PSMB8: variants seen among roughly 807,000 people sequenced by gnomAD.
PSMB8 encodes proteasome subunit beta type-8.
In PSMB8, 20 loss-of-function variants were observed where a neutral mutation model predicts 32.3. The ratio of observed to expected loss-of-function variants is 0.62; its 90% CI spans 0.44 to 0.90. The LOEUF is 0.90. Among genes scored for constraint, PSMB8 ranks in the 40% least tolerant of loss-of-function variants. The pLI, the probability that PSMB8 is intolerant of heterozygous loss-of-function variation, is 0.00. For synonymous variants in PSMB8, 131 were observed against 135.4 expected, an observed-to-expected ratio of 0.97 and a Z score of 0.23; for missense variants, 342 against 365.4, an observed-to-expected ratio of 0.94 and a Z score of 0.52.
In PSMB8 at chr6:32,841,613, G is replaced by T. The variant is rs758066611; in HGVS notation, c.660C>A (p.Ser220Arg). The T allele has an allele frequency of 6.2e-7, 1 of 1,612,902 alleles. No individual in the cohort carries two copies. Among genetic ancestry groups the T allele is most frequent in the Non-Finnish European group, 8.5e-7 (1 of 1,180,034 alleles). The change falls in exon 5 of 6, where the codon AGC (serine) becomes AGA (arginine). Residue 220 changes from serine (S) to arginine (R), a missense_variant. Ser to Arg is a moderately radical substitution (Grantham distance 110). Transcript: ENST00000374882. ...VMDSGYRPNL[S>R]PEEAYDLGRR... is the part of the protein sequence containing the mutation. ...GGCCAAGGTCATAGGCCTCTTCAGG[G>T]CTAAGATTAGGCCGATAGCCACTGT...
upstream of PSMB8, chr6:32,844,673 G>T (rs1406807773): frequency 3.9e-6 from 2 of 518,912 alleles, no homozygotes; most frequent in East Asian, 6.6e-5. Flanking sequence ...TGAGCACTGC[G>T]GAGTTTCACG....
Position 32,841,528 on chromosome 6 carries a change from T to C in PSMB8, c.742+3A>G, listed in dbSNP as rs1769900282. On this transcript the variant is annotated splice_donor_region_variant and intron_variant, in intron 5 of 5. Coordinates refer to ENST00000374882, the MANE Select transcript of PSMB8 (RefSeq NM_148919.4). ...CATGGTGGTGGGAGCATTGGTCTCTTACTATTGACAACGCCTCCAGAATAG... is the reference window on the plus strand; with the variant it reads ...CATGGTGGTGGGAGCATTGGTCTCTCACTATTGACAACGCCTCCAGAATAG... 1 of 1,611,664 alleles carries C rather than the reference T, an allele frequency of 6.2e-7. No homozygotes were observed. The highest frequency in any genetic ancestry group is 1.3e-5 in the African/African-American group (1 of 74,880).
Position 32,840,848 on chromosome 6 carries a change from C to G in PSMB8, c.*111G>C. ...CTCCTCTGGCTGCTGAGCCCGTACT[C>G]TCTCTTTGGCTCAGGCTAGGCCTCT... On this transcript the variant is annotated 3_prime_UTR_variant, in exon 6 of 6. Coordinates refer to ENST00000374882, the MANE Select transcript of PSMB8 (RefSeq NM_148919.4). The G allele has an allele frequency of 1.1e-6, 1 of 887,142 alleles. No homozygotes were observed. The highest frequency in any genetic ancestry group is 1.9e-6 in the Non-Finnish European group (1 of 536,248). The allele number at this position is 887,142 out of a possible 1,614,324, so 55.0% of individuals were successfully genotyped here.
upstream of PSMB8, chr6:32,844,412 A>G: frequency 6.2e-7 from 1 of 1,613,816 alleles, no homozygotes; most frequent in Non-Finnish European, 8.5e-7. Context: ...TCCTATGAGC[A>G]TCACTTTACA....
intron 4 of PSMB8, 58 bp downstream of exon 4, chr6:32,842,076 C>A (rs1769936353): frequency 1.9e-6 from 3 of 1,612,178 alleles, no homozygotes; most frequent in Non-Finnish European, 2.5e-6. Context: ...TGATGGGAAA[C>A]AGATCTGTCA....
chr6:32,842,061 G>A (rs1317654802), intron 4 of PSMB8, 73 bp downstream of exon 4: 3 of 1,607,976 alleles, frequency 1.9e-6, no homozygotes, highest in African/African-American at 2.7e-5. Context: ...GGGAGTAGGA[G>A]TATATGATGG....
intron 5 of PSMB8, 102 bp downstream of exon 5, chr6:32,841,429 G>A: frequency 8.2e-7 from 1 of 1,218,262 alleles, no homozygotes; most frequent in Non-Finnish European, 1.2e-6. Context: ...GTAGAGACGG[G>A]GTTTCGCCAT....
chr6:32,844,474 G>A, upstream of PSMB8: 1 of 1,598,770 alleles, frequency 6.3e-7, no homozygotes. Flanking sequence ...AACAGGTCCT[G>A]GGCCAACTGC....
intron 3 of PSMB8, 99 bp downstream of exon 3, chr6:32,842,573 C>T (rs963280563): frequency 4.4e-6 from 5 of 1,142,878 alleles, no homozygotes; most frequent in Non-Finnish European, 6.6e-6. Context: ...ACTATTAGCA[C>T]TAAGATGGAC....
chr6:32,844,421 C>T, upstream of PSMB8: 2 of 1,613,754 alleles, frequency 1.2e-6, no homozygotes, highest in Non-Finnish European at 1.7e-6. Context: ...CATCACTTTA[C>T]AAAACCAGGA....
rs778680249 is a variant in PSMB8, at chr6:32,841,516, G to A, written c.742+15C>T. On this transcript the variant is annotated intron_variant, in intron 5 of 5. Transcript: ENST00000374882. ...ACTCCTCCCAGGCATGGTGGTGGGA[G>A]CATTGGTCTCTTACTATTGACAACG... is the stretch of plus-strand genomic sequence containing the variant. 13 of 1,610,624 alleles carry A rather than the reference G, an allele frequency of 8.1e-6. No homozygotes were observed. The highest frequency in any genetic ancestry group is 9.3e-6 in the Non-Finnish European group (11 of 1,179,188).
chr6:32,842,577 G>A, intron 3 of PSMB8, 95 bp downstream of exon 3: 1 of 1,165,200 alleles, frequency 8.6e-7, no homozygotes, highest in Non-Finnish European at 1.3e-6. Context: ...TTAGCACTAA[G>A]ATGGACCACA....
In PSMB8 at chr6:32,841,709, TTC is replaced by T; in HGVS notation, c.562_563del (p.Glu188ThrfsTer14). ...TATTTCCTGAGAGCCGAGTCCCATG[TTC>T]ATCCACGTAGTAGAGTCCAGGACCC... is the stretch of plus-strand genomic sequence containing the variant. ...KKGPGLYYVD[E>X]HGTRLSGNMF... On this transcript the variant is annotated frameshift_variant, in exon 5 of 6. Transcript: ENST00000374882. LOFTEE classifies it high-confidence loss of function. 6.2e-7 allele frequency: 1 copy of T among 1,612,818 alleles called. No individual in the cohort carries two copies. Among genetic ancestry groups the T allele is most frequent in the Non-Finnish European group, 8.5e-7 (1 of 1,180,024 alleles).
chr6:32,840,830 G>T lies in PSMB8; in HGVS notation c.*129C>A. The T allele has an allele frequency of 1.3e-6, 1 of 759,512 alleles. No individual in the cohort carries two copies. Among genetic ancestry groups the T allele is most frequent in the East Asian group, 2.7e-5 (1 of 37,458 alleles). The allele number at this position is 759,512 out of a possible 1,614,324, so 47.0% of individuals were successfully genotyped here. ...AAGATGCACTTCACCGGCCTCCTCT[G>T]GCTGCTGAGCCCGTACTCTCTCTTT... On this transcript the variant is annotated 3_prime_UTR_variant, in exon 6 of 6. Transcript: ENST00000374882.
chr6:32,841,405 T>C, intron 5 of PSMB8, 126 bp downstream of exon 5: 1 of 1,011,992 alleles, frequency 9.9e-7, no homozygotes, highest in South Asian at 1.3e-5. Flanking sequence ...GTCCGGCTAA[T>C]TTTTGTAGTT....
chr6:32,842,502 G>C (rs1218842244), intron 3 of PSMB8, among the ~76,000 whole-genome samples, 170 bp downstream of exon 3: 5 of 152,208 alleles, frequency 3.3e-5, no homozygotes, highest in African/African-American at 1.2e-4. Flanking sequence ...GCTTATGAGT[G>C]GAGCACAGGC....
intron 5 of PSMB8, 59 bp downstream of exon 5, chr6:32,841,472 C>CA: frequency 6.9e-7 from 1 of 1,439,306 alleles, no homozygotes; most frequent in Non-Finnish European, 9.7e-7. Context: ...TCTTAAATCA[C>CA]CCCCCCCACC....
In PSMB8 at chr6:32,841,124, C is replaced by T; in HGVS notation, c.743-77G>A. On this transcript the variant is annotated intron_variant, in intron 5 of 5. Transcript: ENST00000374882. ...CCTGTCACTGATGTTATGTTGAAGG[C>T]AGCAACAAGACACATGCGCAAGCTT... is the stretch of plus-strand genomic sequence containing the variant. The T allele has an allele frequency of 1.2e-5, 15 of 1,258,694 alleles. No homozygotes were observed. The South Asian group carries it at 1.8e-4, about 15-fold the overall frequency. The allele number at this position is 1,258,694 out of a possible 1,614,324, so 78.0% of individuals were successfully genotyped here. A position where few individuals can be genotyped will look rare whatever the true frequency, so the allele number is the denominator to read the frequency against.
chr6:32,844,598 C>G (rs1770212441), upstream of PSMB8: 1 of 649,306 alleles, frequency 1.5e-6, no homozygotes, highest in Admixed American at 2.9e-5. Context: ...GGTCTCCTAA[C>G]CTGTAGTCAC....
Sources: allele counts gnomAD v4.1 joint callset (sites outside exome capture counted in the v4.1 genomes callset), GRCh38; gene constraint gnomAD v4.1.1; transcripts MANE v1.5; gene names NCBI Gene and HGNC (gene_info 2026-07-23, HGNC 2026-07-21).